FAM13A: variants seen among roughly 807,000 people sequenced by gnomAD.
FAM13A encodes the protein family with sequence similarity 13 member A.
In FAM13A, 76 loss-of-function variants were observed where a neutral mutation model predicts 129.6. The observed-to-expected ratio is 0.59, with a 90% CI of 0.49 to 0.71. The LOEUF (loss-of-function observed/expected upper bound fraction) is 0.71. FAM13A is among the 30% of genes least tolerant of loss of function. The probability of loss-of-function intolerance (pLI) is 0.00; values close to 1 mark genes in which losing one functional copy is unlikely to be tolerated. For missense variants in FAM13A, 1,108 were observed against 1,249.3 expected, an observed-to-expected ratio of 0.89 and a Z score of 1.70; for synonymous variants, 443 against 449.9, an observed-to-expected ratio of 0.98 and a Z score of 0.20.
At chr4:89,018,007 A>G (rs1766737224) in intron 3 of FAM13A, among the ~76,000 whole-genome samples, 1 of 152,234 alleles carries the variant, frequency 6.6e-6, no homozygotes, top group South Asian at 2.1e-4. Flanking sequence ...TTCAAAAAAT[A>G]AAATCATTTT....
chr4:88,754,017 GA>G (rs1205758852), intron 14 of FAM13A, among the ~76,000 whole-genome samples: 2 of 152,178 alleles, frequency 1.3e-5, no homozygotes, highest in African/African-American at 2.4e-5. Flanking sequence ...TATTTAAAGG[GA>G]AAAACAGGAG....
chr4:88,785,772 C>G (rs1444621734), intron 10 of FAM13A, among the ~76,000 whole-genome samples: 1 of 152,088 alleles, frequency 6.6e-6, no homozygotes, highest in African/African-American at 2.4e-5. Flanking sequence ...TTCCAAAGAC[C>G]TGGAGAGCTA....
intron 7 of FAM13A, among the ~76,000 whole-genome samples, chr4:88,843,858 T>C (rs1563688): frequency 0.73 from 111,684 of 152,144 alleles, 42,287 homozygotes; most frequent in East Asian, 0.95. Context: ...TGGACAGCGA[T>C]GATGTGGGGA....
intron 22 of FAM13A, 49 bp downstream of exon 22, chr4:88,731,953 T>G: frequency 7.1e-7 from 1 of 1,404,730 alleles, no homozygotes; most frequent in Non-Finnish European, 9.8e-7. Flanking sequence ...AATATTTAAG[T>G]GAGCTATTTT....
intron 23 of FAM13A, chr4:88,729,803 A>G (rs567424236): frequency 2.6e-5 from 4 of 152,372 alleles, no homozygotes; most frequent in Admixed American, 2.0e-4. Context: ...ATATCTGTGC[A>G]TAATGTGACT....
chr4:88,848,028 A>G (rs1253646902), intron 7 of FAM13A, among the ~76,000 whole-genome samples: 4 of 152,174 alleles, frequency 2.6e-5, no homozygotes, highest in Non-Finnish European at 4.4e-5. Flanking sequence ...CATTTTTGAC[A>G]TAATTCTTTA....
chr4:88,826,596 C>T (rs1733030475), intron 7 of FAM13A, among the ~76,000 whole-genome samples: 1 of 152,140 alleles, frequency 6.6e-6, no homozygotes, highest in South Asian at 2.1e-4. Flanking sequence ...TTCTCCAGTG[C>T]CACAAAACAG....
At chr4:88,982,191 C>T (rs1761732698) in intron 4 of FAM13A, among the ~76,000 whole-genome samples, 1 of 152,170 alleles carries the variant, frequency 6.6e-6, no homozygotes, top group African/African-American at 2.4e-5. Context: ...TGGGTAAGAA[C>T]ATTTTCTATT....
At chr4:88,789,535 C>T (rs988072682) in intron 9 of FAM13A, among the ~76,000 whole-genome samples, 2 of 152,148 alleles carry the variant, frequency 1.3e-5, no homozygotes, top group African/African-American at 2.4e-5. Flanking sequence ...GTAATGGAAA[C>T]ATATGTGAGC....
At chr4:88,924,573 A>T (rs1751758516) in intron 5 of FAM13A, among the ~76,000 whole-genome samples, 1 of 152,226 alleles carries the variant, frequency 6.6e-6, no homozygotes, top group Admixed American at 6.5e-5. Context: ...TTAAAGACTT[A>T]AACTTTAGAC....
chr4:89,009,733 A>C (rs1237726588), intron 3 of FAM13A, among the ~76,000 whole-genome samples: 2 of 152,236 alleles, frequency 1.3e-5, no homozygotes, highest in East Asian at 1.9e-4. Flanking sequence ...GTAACATTTA[A>C]TATCAAGAGG....
At chr4:88,940,741 T>C (rs930028637) in intron 4 of FAM13A, among the ~76,000 whole-genome samples, 1 of 152,194 alleles carries the variant, frequency 6.6e-6, no homozygotes, top group African/African-American at 2.4e-5. Flanking sequence ...ACAGATCCTG[T>C]CGATCAAATC....
intron 19 of FAM13A, among the ~76,000 whole-genome samples, chr4:88,745,590 A>G (rs1345981277): frequency 6.6e-6 from 1 of 152,230 alleles, no homozygotes; most frequent in African/African-American, 2.4e-5. Context: ...ATGGCTACAC[A>G]GAGCAGGGTT....
intron 6 of FAM13A, among the ~76,000 whole-genome samples, chr4:88,887,875 C>G (rs748138122): frequency 1.3e-5 from 2 of 152,060 alleles, no homozygotes; most frequent in African/African-American, 4.8e-5. Flanking sequence ...CTCTCTGAGA[C>G]AAGAAAATAA....
intron 2 of FAM13A, among the ~76,000 whole-genome samples, chr4:89,022,431 T>A (rs1473980230): frequency 6.6e-6 from 1 of 152,148 alleles, no homozygotes; most frequent in African/African-American, 2.4e-5. Context: ...AAAATCAATA[T>A]CAAAAGTTGA....
At chr4:88,950,330 A>G (rs1756744488) in intron 4 of FAM13A, among the ~76,000 whole-genome samples, 1 of 152,004 alleles carries the variant, frequency 6.6e-6, no homozygotes, top group Admixed American at 6.6e-5. Flanking sequence ...CCTCCTGAGT[A>G]GCTGGGACTA....
chr4:88,804,496 C>T (rs2149742332), intron 8 of FAM13A, among the ~76,000 whole-genome samples: 1 of 152,232 alleles, frequency 6.6e-6, no homozygotes, highest in Non-Finnish European at 1.5e-5. Flanking sequence ...GAGAGGTGAT[C>T]TTGAATTCTG....
intron 5 of FAM13A, among the ~76,000 whole-genome samples, chr4:88,927,496 T>TC (rs55689709): frequency 0.56 from 82,549 of 147,600 alleles, 23,349 homozygotes; most frequent in Admixed American, 0.59. Context: ...GTTTTTTTTT[T>TC]CTCTTGGTAG....
At chr4:89,052,405 C>T (rs1323397003) in intron 1 of FAM13A, among the ~76,000 whole-genome samples, 5 of 150,170 alleles carry the variant, frequency 3.3e-5, no homozygotes, top group Non-Finnish European at 5.9e-5. Context: ...GTGTGCTGCA[C>T]CCATTAACTC....
Sources: allele counts gnomAD v4.1 joint callset (sites outside exome capture counted in the v4.1 genomes callset), GRCh38; gene constraint gnomAD v4.1.1; transcripts MANE v1.5; gene names NCBI Gene and HGNC (gene_info 2026-07-23, HGNC 2026-07-21).